The following ZNF654 variants were observed in gnomAD, a reference collection of about 807,000 sequenced individuals.
ZNF654 encodes melanoma-associated antigen.
A neutral mutation model predicts 95.3 loss-of-function variants in ZNF654; 19 were observed. The ratio of observed to expected loss-of-function variants is 0.20; its 90% confidence interval spans 0.14 to 0.29. The LOEUF (loss-of-function observed/expected upper bound fraction) is 0.29. ZNF654 is among the 10% of genes least tolerant of loss of function. The pLI is 1.00. For synonymous variants in ZNF654, 413 were observed against 457.9 expected (o/e 0.90, Z 1.25); for missense variants, 1,046 against 1,341.0 (o/e 0.78, Z 3.44).
chr3:88,066,909 G>T (rs1457810347), intron 1 of ZNF654, among the ~76,000 whole-genome samples: 1 of 152,180 alleles, frequency 6.6e-6, no homozygotes, highest in Non-Finnish European at 1.5e-5. Flanking sequence ...CACATTAATT[G>T]TATATTAATA....
intron 6 of ZNF654, among the ~76,000 whole-genome samples, chr3:88,133,255 T>C (rs1292321448): frequency 6.6e-6 from 1 of 152,152 alleles, no homozygotes; most frequent in Non-Finnish European, 1.5e-5. Context: ...TAGAAAAGCA[T>C]GGCTCATTGA....
chr3:88,131,481 A>T (rs1706460380), intron 6 of ZNF654, among the ~76,000 whole-genome samples: 1 of 152,162 alleles, frequency 6.6e-6, no homozygotes, highest in Non-Finnish European at 1.5e-5. Context: ...CTTTCATTGT[A>T]ATATACTCAT....
chr3:88,074,344 C>CTTT lies in ZNF654; in HGVS notation c.187-11900_187-11898dup, dbSNP rs60776911. On this transcript the variant is annotated intron_variant, in intron 1 of 8. Coordinates refer to ENST00000636215, the MANE Select transcript of ZNF654 (RefSeq NM_001350134.2). ...ACTTCCAGGCTCTTTTTATATCTTA[C>CTTT]TTTTTTTTTTTTTTTGAGACTGAGT... 7.5e-3 allele frequency among the ~76,000 whole-genome samples: 1,037 copies of CTTT among 137,562 alleles called. 21 individuals carry two copies. Among genetic ancestry groups the CTTT allele is most frequent in the South Asian group, 0.021 (93 of 4,438 alleles). The allele number at this position is 137,562 out of a possible 152,430, so 90.2% of individuals were successfully genotyped here.
intron 2 of ZNF654, among the ~76,000 whole-genome samples, chr3:88,105,814 C>T (rs1704702692): frequency 6.6e-6 from 1 of 152,000 alleles, no homozygotes; most frequent in Non-Finnish European, 1.5e-5. Flanking sequence ...TATGCTTTAT[C>T]CCCCCAAAAC....
At chr3:88,101,399 C>A (rs573841689) in intron 2 of ZNF654, among the ~76,000 whole-genome samples, 1 of 152,178 alleles carries the variant, frequency 6.6e-6, no homozygotes, top group East Asian at 1.9e-4. Context: ...GATACTTTCA[C>A]TTAGAGCAAG....
At position 88,106,703 on chromosome 3, in the gene ZNF654, C is replaced by A. The variant is rs1704405152; in HGVS notation, c.333-6412C>A. Among the ~76,000 whole-genome samples the A allele has an allele frequency of 3.3e-5, 5 of 152,036 alleles. No individual in the cohort carries two copies. The South Asian group carries it at 1.0e-3, about 32-fold the overall frequency. Reference sequence around the variant, plus strand: ...TTAATTTGTTTAATGCTTTTTTAAGCTGTGTAGATTTTTAAAATGTAATTA... The same window carrying A: ...TTAATTTGTTTAATGCTTTTTTAAGATGTGTAGATTTTTAAAATGTAATTA... On this transcript the variant is annotated intron_variant, in intron 2 of 8. Transcript: ENST00000636215.
intron 3 of ZNF654, among the ~76,000 whole-genome samples, chr3:88,114,114 A>C (rs1385571755): frequency 6.6e-6 from 1 of 152,186 alleles, no homozygotes; most frequent in African/African-American, 2.4e-5. Context: ...TAAGCAAAAC[A>C]GAAAAAATCT....
intron 1 of ZNF654, among the ~76,000 whole-genome samples, chr3:88,080,920 T>C (rs1260823621): frequency 6.6e-6 from 1 of 152,158 alleles, no homozygotes. Context: ...GTCACAAAAT[T>C]GTAGACCTTT....
intron 1 of ZNF654, among the ~76,000 whole-genome samples, chr3:88,070,352 A>G (rs1237374822): frequency 6.6e-6 from 1 of 152,174 alleles, no homozygotes; most frequent in Non-Finnish European, 1.5e-5. Flanking sequence ...CAGCCATAAA[A>G]AATGATCTTT....
chr3:88,108,699 T>C (rs1159769746), intron 2 of ZNF654, among the ~76,000 whole-genome samples: 1 of 152,178 alleles, frequency 6.6e-6, no homozygotes, highest in Non-Finnish European at 1.5e-5. Context: ...ATCACAGTGC[T>C]TGTGTTCAGG....
intron 2 of ZNF654, among the ~76,000 whole-genome samples, chr3:88,108,490 GGT>G (rs1704883451): frequency 6.6e-6 from 1 of 152,090 alleles, no homozygotes; most frequent in Non-Finnish European, 1.5e-5. Context: ...AGTCAACCAT[GGT>G]CCAAAAATGT....
intron 1 of ZNF654, among the ~76,000 whole-genome samples, chr3:88,062,937 TTG>T (rs1231305752): frequency 2.0e-4 from 30 of 152,234 alleles, no homozygotes; most frequent in Non-Finnish European, 2.9e-5. Context: ...AGCTTATAAT[TTG>T]TGTTTCGCAG....
intron 1 of ZNF654, among the ~76,000 whole-genome samples, chr3:88,067,204 TG>T (rs935698278): frequency 8.5e-5 from 13 of 152,204 alleles, no homozygotes; most frequent in Non-Finnish European, 1.9e-4. Context: ...CTTTGGTAAG[TG>T]CTATGAAGAA....
chr3:88,104,500 A>G (rs1254376043), intron 2 of ZNF654, among the ~76,000 whole-genome samples: 1 of 152,240 alleles, frequency 6.6e-6, no homozygotes, highest in African/African-American at 2.4e-5. Context: ...CCTATGGGCC[A>G]TATATTCCAG....
At chr3:88,066,122 G>A (rs1329449447) in intron 1 of ZNF654, among the ~76,000 whole-genome samples, 4 of 152,154 alleles carry the variant, frequency 2.6e-5, no homozygotes, top group Non-Finnish European at 5.9e-5. Context: ...CATGTGAGAT[G>A]CTTTTTTAAA....
intron 3 of ZNF654, among the ~76,000 whole-genome samples, chr3:88,118,278 G>A (rs1705534920): frequency 6.6e-6 from 1 of 152,066 alleles, no homozygotes; most frequent in Admixed American, 6.6e-5. Context: ...TGTCCTTTGG[G>A]TCAGTCAGGA....
intron 3 of ZNF654, among the ~76,000 whole-genome samples, chr3:88,122,239 A>G (rs1705813157): frequency 6.6e-6 from 1 of 152,196 alleles, no homozygotes; most frequent in Non-Finnish European, 1.5e-5. Context: ...AGAAAAGACA[A>G]GGTGAATTTT....
At chr3:88,097,898 C>T (rs1704162043) in intron 2 of ZNF654, among the ~76,000 whole-genome samples, 1 of 152,150 alleles carries the variant, frequency 6.6e-6, no homozygotes, top group African/African-American at 2.4e-5. Context: ...CTAAAATTGA[C>T]ACCCTAATAT....
At chr3:88,108,258 T>C (rs764010604) in intron 2 of ZNF654, among the ~76,000 whole-genome samples, 1 of 152,150 alleles carries the variant, frequency 6.6e-6, no homozygotes, top group Non-Finnish European at 1.5e-5. Flanking sequence ...CAGTTTTCCT[T>C]CCAGTCTAGA....
Sources: gnomAD v4.1 joint callset for allele counts (sites outside exome capture counted in the v4.1 genomes callset) on GRCh38, gnomAD v4.1.1 for gene constraint, MANE v1.5 for transcripts, NCBI Gene and HGNC (gene_info 2026-07-23, HGNC 2026-07-21) for gene names.